Variants in AFF3 observed in about 807,000 individuals in gnomAD.
AFF3 encodes ALF transcription elongation factor 3.
Under a neutral mutation model 129.7 loss-of-function variants are expected in AFF3, and 32 were observed. That is an observed-to-expected ratio of 0.25 (90% confidence interval 0.19 to 0.33). The LOEUF (loss-of-function observed/expected upper bound fraction) is 0.33, where lower values mean the gene tolerates loss of function less well. Ranked by LOEUF, AFF3 falls within the 10% of genes least tolerant of loss-of-function variation. The pLI is 1.00. For missense variants in AFF3, 1,373 were observed against 1,592.0 expected, an observed-to-expected ratio of 0.86 and a Z score of 2.34; for synonymous variants, 644 against 635.4, an observed-to-expected ratio of 1.01 and a Z score of -0.20.
At chr2:99,708,192 CTTATA>C (rs796112622) in intron 11 of AFF3, among the ~76,000 whole-genome samples, 74 of 152,070 alleles carry the variant, frequency 4.9e-4, no homozygotes, top group African/African-American at 1.6e-3. Context: ...AACTGGGCGT[CTTATA>C]TTTTATCTGG....
At chr2:99,656,087 G>A (rs1685723622) in intron 12 of AFF3, among the ~76,000 whole-genome samples, 1 of 152,176 alleles carries the variant, frequency 6.6e-6, no homozygotes, top group African/African-American at 2.4e-5. Flanking sequence ...AGTGTTGGGT[G>A]TGTGAAGTTA....
chr2:99,639,571 AAAT>A (rs1575573907), intron 13 of AFF3, among the ~76,000 whole-genome samples: 1 of 152,352 alleles, frequency 6.6e-6, no homozygotes. Flanking sequence ...TTTGCTTTTG[AAAT>A]AATAAGTATT....
At chr2:99,939,009 T>C (rs571561065) in intron 7 of AFF3, among the ~76,000 whole-genome samples, 7 of 152,198 alleles carry the variant, frequency 4.6e-5, no homozygotes, top group Non-Finnish European at 8.8e-5. Context: ...AAATCTGAAA[T>C]GCTCCAAAAT....
At chr2:99,578,871 T>C (rs958658105) in intron 17 of AFF3, among the ~76,000 whole-genome samples, 2 of 152,146 alleles carry the variant, frequency 1.3e-5, no homozygotes, top group Admixed American at 1.3e-4. Flanking sequence ...AAACACAGAT[T>C]GCCAGGCCCC....
intron 13 of AFF3, among the ~76,000 whole-genome samples, chr2:99,614,485 G>C (rs939580548): frequency 6.6e-6 from 1 of 152,190 alleles, no homozygotes; most frequent in Non-Finnish European, 1.5e-5. Context: ...TGAGACACAA[G>C]GCTTGATCCC....
chr2:99,642,616 G>C (rs908903528), intron 13 of AFF3, among the ~76,000 whole-genome samples: 8 of 152,326 alleles, frequency 5.3e-5, no homozygotes, highest in African/African-American at 1.7e-4. Context: ...TACTGTGCTA[G>C]GTGCTAGAGA....
chr2:99,562,560 T>C (rs148104877), intron 20 of AFF3, among the ~76,000 whole-genome samples: 10 of 152,354 alleles, frequency 6.6e-5, no homozygotes, highest in African/African-American at 2.2e-4. Flanking sequence ...GAGTGATAAC[T>C]GTGATTATTG....
chr2:99,624,832 G>C (rs1682383980), intron 13 of AFF3, among the ~76,000 whole-genome samples: 1 of 152,242 alleles, frequency 6.6e-6, no homozygotes, highest in African/African-American at 2.4e-5. Flanking sequence ...GAAAGTGGCA[G>C]TCTCGTGTCT....
intron 7 of AFF3, among the ~76,000 whole-genome samples, chr2:99,894,590 T>A (rs1012409785): frequency 6.6e-6 from 1 of 151,294 alleles, no homozygotes; most frequent in African/African-American, 2.4e-5. Context: ...TGCCTCAGCC[T>A]CCCGAGTAGC....
At chr2:99,626,463 TCCTC>T (rs1391291257) in intron 13 of AFF3, among the ~76,000 whole-genome samples, 23 of 59,578 alleles carry the variant, frequency 3.9e-4, no homozygotes, top group African/African-American at 7.6e-4. Context: ...CTTCCTTCCT[TCCTC>T]CCTCCCTCCC....
At chr2:99,925,932 A>C (rs1156277816) in intron 7 of AFF3, among the ~76,000 whole-genome samples, 1 of 152,224 alleles carries the variant, frequency 6.6e-6, no homozygotes, top group Non-Finnish European at 1.5e-5. Flanking sequence ...ATGGATCAGG[A>C]ACCAATAATG....
chr2:99,985,054 G>C (rs192650335), intron 7 of AFF3, among the ~76,000 whole-genome samples: 1 of 152,186 alleles, frequency 6.6e-6, no homozygotes, highest in Non-Finnish European at 1.5e-5. Flanking sequence ...ATTAAGAACA[G>C]ATTTCATCAC....
intron 4 of AFF3, among the ~76,000 whole-genome samples, chr2:100,053,833 G>A (rs1040979172): frequency 6.6e-6 from 1 of 152,118 alleles, no homozygotes; most frequent in African/African-American, 2.4e-5. Flanking sequence ...TAGTATTTGG[G>A]GCTCTGAAGG....
chr2:99,873,369 T>G (rs1332789568), intron 7 of AFF3, among the ~76,000 whole-genome samples: 1 of 152,224 alleles, frequency 6.6e-6, no homozygotes, highest in East Asian at 1.9e-4. Context: ...ATCTATCTAA[T>G]GTATTATCAA....
chr2:99,871,381 T>C (rs1164517574), intron 7 of AFF3, among the ~76,000 whole-genome samples: 2 of 152,236 alleles, frequency 1.3e-5, no homozygotes, highest in Non-Finnish European at 2.9e-5. Flanking sequence ...TCATTATTTC[T>C]ATTAAATATT....
rs536067693 is a variant in AFF3, at chr2:99,604,526, G to A, written c.1185-2905C>T. ...TCAGGAAAAATAACTAATGGGTACA[G>A]GCTTAATATCTGAGTGATGAAATAA... is the stretch of plus-strand genomic sequence containing the variant. On this transcript the variant is annotated intron_variant, in intron 13 of 24. Transcript: ENST00000672756. 5.9e-5 allele frequency among the ~76,000 whole-genome samples: 9 copies of A among 152,100 alleles called. No individual in the cohort carries two copies. In the South Asian group the frequency reaches 1.9e-3, roughly 32 times the overall value.
At chr2:99,617,158 C>T (rs1681521427) in intron 13 of AFF3, among the ~76,000 whole-genome samples, 1 of 152,210 alleles carries the variant, frequency 6.6e-6, no homozygotes, top group South Asian at 2.1e-4. Flanking sequence ...TTTCATTTCT[C>T]TTGGGTATAT....
intron 8 of AFF3, among the ~76,000 whole-genome samples, chr2:99,801,597 G>C (rs1230255355): frequency 2.0e-5 from 3 of 152,202 alleles, no homozygotes; most frequent in Non-Finnish European, 4.4e-5. Context: ...CTGAAGCACA[G>C]AACTTGTACT....
chr2:99,906,671 G>T (rs774227357), intron 7 of AFF3, among the ~76,000 whole-genome samples: 1 of 152,102 alleles, frequency 6.6e-6, no homozygotes, highest in Admixed American at 6.5e-5. Flanking sequence ...AGGATTCCCT[G>T]AAGAAGAAGA....
Sources: gnomAD v4.1 joint callset for allele counts (sites outside exome capture counted in the v4.1 genomes callset) on GRCh38, gnomAD v4.1.1 for gene constraint, MANE v1.5 for transcripts, NCBI Gene and HGNC (gene_info 2026-07-23, HGNC 2026-07-21) for gene names.